TTC16: variants seen among roughly 807,000 people sequenced by gnomAD.
The protein encoded by TTC16 is tetratricopeptide repeat domain 16, also known as tetratricopeptide repeat protein 16.
A neutral mutation model predicts 80.4 loss-of-function variants in TTC16; 66 were observed. That is an observed-to-expected ratio of 0.82 (90% confidence interval 0.67 to 1.01). TTC16 has a LOEUF of 1.01. Among genes scored for constraint, TTC16 ranks in the 50% least tolerant of loss-of-function variants. The pLI, the probability that TTC16 is intolerant of heterozygous loss-of-function variation, is 0.00. For missense variants in TTC16, 1,070 were observed against 1,103.2 expected (o/e 0.97, Z 0.43); for synonymous variants, 438 against 451.3 (o/e 0.97, Z 0.37).
intron 6 of TTC16, among the ~76,000 whole-genome samples, chr9:127,721,772 C>T (rs1050817170): frequency 2.0e-5 from 3 of 152,034 alleles, no homozygotes; most frequent in Non-Finnish European, 4.4e-5. Context: ...GGCGAGATCT[C>T]GGCTCACCAC....
At chr9:127,717,203 C>G in intron 2 of TTC16, 131 bp from the exon 3 acceptor site, 2 of 1,176,082 alleles carry the variant, frequency 1.7e-6, no homozygotes, top group Non-Finnish European at 2.5e-6. Context: ...CCTGCCCTCC[C>G]TGGGCTTCTG....
At chr9:127,719,935 C>A in intron 4 of TTC16, 143 bp from the exon 5 acceptor site, 1 of 680,000 alleles carries the variant, frequency 1.5e-6, no homozygotes, top group Non-Finnish European at 2.6e-6. Context: ...TGTGTCTCTG[C>A]CTCTTCAAGT....
At chr9:127,724,037 T>C (rs1171176443) in intron 7 of TTC16, 83 bp from the exon 8 acceptor site, 7 of 1,451,822 alleles carry the variant, frequency 4.8e-6, no homozygotes, top group Non-Finnish European at 6.4e-6. Context: ...GAGCCGGCAG[T>C]GGCTTGTCTG....
intron 9 of TTC16, among the ~76,000 whole-genome samples, chr9:127,725,853 G>T (rs1843912988): frequency 6.6e-6 from 1 of 152,092 alleles, no homozygotes. Flanking sequence ...ACCTGCCTTG[G>T]CCTCCCAAAG....
chr9:127,726,596 G>A (rs532110544), intron 10 of TTC16, among the ~76,000 whole-genome samples, 192 bp downstream of exon 10: 17 of 151,886 alleles, frequency 1.1e-4, no homozygotes, highest in South Asian at 8.3e-4. Flanking sequence ...GAGACCCACC[G>A]GGCCAACATG....
At chr9:127,728,337 G>C (rs1844138538) in intron 12 of TTC16, 1 of 152,210 alleles carries the variant, frequency 6.6e-6, no homozygotes, top group East Asian at 1.9e-4. Flanking sequence ...CGCTGCGGCG[G>C]GTGGCAGCGG....
In TTC16 at chr9:127,726,281, G is replaced by A. The variant is rs771554389; in HGVS notation, c.1302G>A (p.Arg434=). The change falls in exon 10 of 14, where the codon CGG becomes CGA. Residue 434 remains arginine (R), a synonymous_variant. Transcript: ENST00000373289. ...KAENHFSTAI[R]HNPQKAQYYL... is the part of the protein sequence containing the mutation. ...AGAACCACTTCTCCACGGCCATCCG[G>A]CACAACCCCCAGAAGGCCCAGTACT... 6.2e-7 allele frequency: 1 copy of A among 1,605,754 alleles called. No individual in the cohort carries two copies. The highest frequency in any genetic ancestry group is 1.1e-5 in the South Asian group (1 of 90,548).
chr9:127,720,819 T>C (rs1466297274), intron 6 of TTC16, among the ~76,000 whole-genome samples: 19 of 6,098 alleles, frequency 3.1e-3, no homozygotes, highest in African/African-American at 6.0e-3. Flanking sequence ...TCCTTCTTTC[T>C]TCCCTCCTGC....
chr9:127,716,866 G>T lies in TTC16; in HGVS notation c.41G>T (p.Gly14Val). 6.2e-7 allele frequency: 1 copy of T among 1,613,102 alleles called. No homozygotes were observed. Among genetic ancestry groups the T allele is most frequent in the South Asian group, 1.1e-5 (1 of 91,042 alleles). Residue 14 changes from glycine (G) to valine (V), a missense_variant, in exon 2 of 14, where the codon GGC becomes GTC. Gly to Val is a moderately radical substitution (Grantham distance 109). Transcript: ENST00000373289. ...TAGGATGCCCTGAAGGTTGACCAGG[G>T]CCCCTCACGGGACATCCCAAAGCCA... The part of the protein sequence containing the change: ...SDEDALKVDQ[G>V]PSRDIPKPWV...
intron 6 of TTC16, among the ~76,000 whole-genome samples, chr9:127,720,621 G>A (rs1229639364): frequency 1.3e-5 from 2 of 152,034 alleles, no homozygotes; most frequent in Non-Finnish European, 2.9e-5. Flanking sequence ...TGCTAGGCCT[G>A]TGCTGCACCC....
intron 4 of TTC16, 23 bp downstream of exon 4, chr9:127,717,795 A>G: frequency 6.2e-7 from 1 of 1,604,496 alleles, no homozygotes; most frequent in Non-Finnish European, 8.5e-7. Flanking sequence ...TCCCGGGCCC[A>G]TGCAGGGCAC....
At chr9:127,730,330 C>CG (rs1464616084) in intron 13 of TTC16, 1 of 432,842 alleles carries the variant, frequency 2.3e-6, no homozygotes, top group Non-Finnish European at 4.2e-6. Flanking sequence ...GGGTGCCAGG[C>CG]GGGGGGACGC....
chr9:127,726,230 G>A lies in TTC16; in HGVS notation c.1260-9G>A, dbSNP rs1452421445. On this transcript the variant is annotated splice_polypyrimidine_tract_variant and intron_variant, in intron 9 of 13. Transcript: ENST00000373289. The stretch of plus-strand genomic sequence containing the variant: ...CTCATAGCAGCTTGGGACCCACTGT[G>A]TCGTGCAGGCAGTTCCAGAAGGCAG... The A allele has an allele frequency of 5.1e-6, 8 of 1,575,160 alleles. No individual in the cohort carries two copies. In the South Asian group the frequency reaches 9.2e-5, roughly 18 times the overall value.
At chr9:127,720,491 C>G in intron 6 of TTC16, 96 bp downstream of exon 6, 1 of 1,516,166 alleles carries the variant, frequency 6.6e-7, no homozygotes, top group Non-Finnish European at 9.0e-7. Flanking sequence ...TCAGCCAGCC[C>G]AGAAGCCCCA....
intron 1 of TTC16, 59 bp from the exon 2 acceptor site, chr9:127,716,785 T>G: frequency 6.4e-7 from 1 of 1,555,412 alleles, no homozygotes; most frequent in Non-Finnish European, 8.7e-7. Flanking sequence ...CTGGGGAGTG[T>G]GTCAGTGGGT....
At chr9:127,719,165 C>T (rs1012506614) in intron 4 of TTC16, among the ~76,000 whole-genome samples, 1 of 151,162 alleles carries the variant, frequency 6.6e-6, no homozygotes, top group African/African-American at 2.4e-5. Flanking sequence ...GAGCCAAGAT[C>T]GTGCCACTGT....
rs1014584804 is a variant in TTC16, at chr9:127,717,747, G to A, written c.401G>A (p.Arg134His). The A allele has an allele frequency of 6.2e-6, 10 of 1,613,692 alleles. No individual in the cohort carries two copies. The highest frequency in any genetic ancestry group is 2.2e-5 in the South Asian group (2 of 91,080). The stretch of plus-strand genomic sequence containing the variant: ...CAGGACAACTGCAAGCACCTGGAGC[G>A]CCTCACCTTTGTGCTCTACCTACAG... ...LQQDNCKHLE[R>H]LTFVLYLQGQ... Residue 134 changes from arginine (R) to histidine (H), a missense_variant, in exon 4 of 14, where the codon CGC (arginine) becomes CAC (histidine). Transcript: ENST00000373289.
chr9:127,731,215 C>G lies in TTC16; in HGVS notation c.2432C>G (p.Ser811Ter), dbSNP rs1844394165. 6.2e-7 allele frequency: 1 copy of G among 1,612,638 alleles called. No individual in the cohort carries two copies. The highest frequency in any genetic ancestry group is 1.3e-5 in the African/African-American group (1 of 74,810). ...ACCAAGACTGAGGCTTTCTATGACT[C>G]AAACTGGAGCCTCAGCAAAACTGAG... ...SSTKTEAFYDSNWSLSKTEYA... is the reference protein window; with the variant it reads ...SSTKTEAFYD The change falls in exon 14 of 14, where the codon TCA (serine) becomes TGA (stop). Residue 811 changes from serine to a stop codon, truncating the protein, a stop_gained. Transcript: ENST00000373289. LOFTEE classifies it low-confidence loss of function (END_TRUNC).
chr9:127,721,283 A>G (rs528095712), intron 6 of TTC16, among the ~76,000 whole-genome samples: 142 of 151,954 alleles, frequency 9.3e-4, no homozygotes, highest in African/African-American at 3.4e-3. Context: ...AGAGCCTGAG[A>G]AGGAGGCTGG....
Sources: allele counts gnomAD v4.1 joint callset (sites outside exome capture counted in the v4.1 genomes callset), GRCh38; gene constraint gnomAD v4.1.1; transcripts MANE v1.5; gene names NCBI Gene and HGNC (gene_info 2026-07-23, HGNC 2026-07-21).